The following CSMD1 variants were observed in gnomAD, a reference collection of about 807,000 sequenced individuals.
CSMD1 encodes the protein CUB and Sushi multiple domains 1.
CSMD1 carries 213 observed loss-of-function variants against 417.5 expected under a neutral mutation model. The observed-to-expected ratio is 0.51, with a 90% CI of 0.46 to 0.57. The LOEUF is 0.57. Ranked by LOEUF, CSMD1 falls within the 20% of genes least tolerant of loss-of-function variation. The pLI, the probability that CSMD1 is intolerant of heterozygous loss-of-function variation, is 0.00. For missense variants in CSMD1, 6,923 were observed against 4,529.7 expected (o/e 1.53, Z -15.17); for synonymous variants, 2,862 against 1,736.8 (o/e 1.65, Z -16.11).
chr8:3,245,969 T>G (rs146984536), intron 26 of CSMD1, among the ~76,000 whole-genome samples: 58 of 152,302 alleles, frequency 3.8e-4, no homozygotes, highest in Admixed American at 2.2e-3. Flanking sequence ...TCTATTACTT[T>G]TGTGGAGAGG....
At chr8:4,314,468 G>A (rs987105838) in intron 3 of CSMD1, among the ~76,000 whole-genome samples, 6 of 152,116 alleles carry the variant, frequency 3.9e-5, no homozygotes, top group African/African-American at 1.2e-4. Flanking sequence ...AATTTCAATT[G>A]CATCCGTTCC....
At chr8:3,562,079 C>T (rs563102370) in intron 10 of CSMD1, among the ~76,000 whole-genome samples, 7 of 151,636 alleles carry the variant, frequency 4.6e-5, no homozygotes, top group South Asian at 2.1e-4. Context: ...AGTAAAAATT[C>T]GGTACCTTCT....
At position 4,700,477 on chromosome 8, in the gene CSMD1, T is replaced by C. The variant is rs182247721; in HGVS notation, c.86-62919A>G. ...GCTTGGAAACAACCTGCATATTCTT[T>C]AAATTTAAAACTATAAAACTATGCA... is the stretch of plus-strand genomic sequence containing the variant. On this transcript the variant is annotated intron_variant, in intron 1 of 69. Transcript: ENST00000635120. Among the ~76,000 whole-genome samples the C allele has an allele frequency of 1.6e-3, 244 of 152,290 alleles. 1 individual carries two copies. The highest frequency in any genetic ancestry group is 5.4e-3 in the African/African-American group (223 of 41,574).
intron 1 of CSMD1, among the ~76,000 whole-genome samples, chr8:4,897,814 A>G (rs571471355): frequency 2.6e-5 from 4 of 152,148 alleles, no homozygotes; most frequent in Non-Finnish European, 5.9e-5. Context: ...AGAGACAGAG[A>G]CTTAAATAAG....
At chr8:3,981,520 AAAAAAG>A (rs1485020336) in intron 5 of CSMD1, among the ~76,000 whole-genome samples, 3 of 126,306 alleles carry the variant, frequency 2.4e-5, no homozygotes, top group African/African-American at 8.7e-5. Flanking sequence ...AAAAAAAAAA[AAAAAAG>A]AACATACAAT....
intron 1 of CSMD1, among the ~76,000 whole-genome samples, chr8:4,846,944 G>T (rs1046061894): frequency 3.1e-4 from 47 of 152,042 alleles, no homozygotes; most frequent in African/African-American, 1.1e-3. Context: ...TTCATTGGGA[G>T]AAAAAGATTA....
chr8:3,561,001 A>C (rs1428201126), intron 10 of CSMD1, among the ~76,000 whole-genome samples: 1 of 152,182 alleles, frequency 6.6e-6, no homozygotes, highest in Admixed American at 6.6e-5. Flanking sequence ...TCATTATTTA[A>C]CAGCAATAAA....
At chr8:4,026,388 G>A (rs1023647725) in intron 4 of CSMD1, among the ~76,000 whole-genome samples, 1 of 152,190 alleles carries the variant, frequency 6.6e-6, no homozygotes, top group African/African-American at 2.4e-5. Flanking sequence ...TGATCTCATT[G>A]GGATTTACCA....
intron 5 of CSMD1, among the ~76,000 whole-genome samples, chr8:3,892,792 C>A (rs1302761115): frequency 7.3e-6 from 1 of 137,548 alleles, no homozygotes; most frequent in Non-Finnish European, 1.5e-5. Flanking sequence ...TTTGGACAGT[C>A]TTCTACGTGA....
At chr8:3,936,788 T>C (rs868306506) in intron 5 of CSMD1, among the ~76,000 whole-genome samples, 2 of 152,164 alleles carry the variant, frequency 1.3e-5, no homozygotes, top group African/African-American at 2.4e-5. Context: ...TGACTTTCAA[T>C]TATTGTTATT....
intron 6 of CSMD1, among the ~76,000 whole-genome samples, chr8:3,714,090 A>C (rs1282145523): frequency 6.6e-6 from 1 of 150,996 alleles, no homozygotes; most frequent in African/African-American, 2.4e-5. Context: ...GTATATAATC[A>C]TGTATATATA....
chr8:3,129,792 C>T (rs1817695093), intron 41 of CSMD1, among the ~76,000 whole-genome samples: 4 of 152,022 alleles, frequency 2.6e-5, no homozygotes, highest in Admixed American at 2.6e-4. Flanking sequence ...AATTCAAGAC[C>T]AGCCTGCCCA....
In CSMD1 at chr8:4,395,009, G is replaced by A. The variant is rs2128925571; in HGVS notation, c.415+24944C>T. On this transcript the variant is annotated intron_variant, in intron 3 of 69. Coordinates refer to ENST00000635120, the MANE Select transcript of CSMD1 (RefSeq NM_033225.6). ...GGGAAGAGGCACAGCAGAGGAGGTAGACCCTTTCCCTCTGCGTGGCATATC... is the reference window on the plus strand; with the variant it reads ...GGGAAGAGGCACAGCAGAGGAGGTAAACCCTTTCCCTCTGCGTGGCATATC... 2.0e-5 allele frequency among the ~76,000 whole-genome samples: 3 copies of A among 152,294 alleles called. No individual in the cohort carries two copies. The East Asian group carries it at 5.8e-4, about 29-fold the overall frequency.
chr8:3,418,619 C>A (rs577995255), intron 12 of CSMD1, among the ~76,000 whole-genome samples: 6 of 152,294 alleles, frequency 3.9e-5, no homozygotes, highest in African/African-American at 1.4e-4. Flanking sequence ...CTCAGCTCAA[C>A]AGGTCTGTCT....
intron 7 of CSMD1, among the ~76,000 whole-genome samples, chr8:3,687,814 G>A (rs781026380): frequency 2.0e-5 from 3 of 152,176 alleles, no homozygotes; most frequent in East Asian, 1.9e-4. Context: ...AGTCTCTCTC[G>A]AGAAAGGTAG....
intron 3 of CSMD1, among the ~76,000 whole-genome samples, chr8:4,307,978 A>T (rs754822588): frequency 1.6e-4 from 24 of 152,146 alleles, no homozygotes; most frequent in Non-Finnish European, 3.2e-4. Flanking sequence ...AAGAAATTAC[A>T]GAGGCTCAAG....
chr8:3,091,404 T>C, intron 48 of CSMD1, 112 bp downstream of exon 48: 3 of 730,836 alleles, frequency 4.1e-6, no homozygotes, highest in Non-Finnish European at 6.0e-6. Flanking sequence ...AGTTAATTAT[T>C]AATCTTTAAG....
At chr8:4,380,869 T>C (rs1419853794) in intron 3 of CSMD1, among the ~76,000 whole-genome samples, 1 of 152,208 alleles carries the variant, frequency 6.6e-6, no homozygotes, top group African/African-American at 2.4e-5. Flanking sequence ...AGTATATTAC[T>C]ATACTTTTTA....
intron 1 of CSMD1, among the ~76,000 whole-genome samples, chr8:4,844,990 TA>T (rs1472697677): frequency 6.6e-4 from 101 of 152,316 alleles, no homozygotes; most frequent in Non-Finnish European, 1.9e-4. Context: ...TATAGCATTT[TA>T]AAAATCATTT....
Sources: gnomAD v4.1 joint callset for allele counts (sites outside exome capture counted in the v4.1 genomes callset) on GRCh38, gnomAD v4.1.1 for gene constraint, MANE v1.5 for transcripts, NCBI Gene and HGNC (gene_info 2026-07-23, HGNC 2026-07-21) for gene names.